Variants in GRM1 observed in about 807,000 individuals in gnomAD.
GRM1 encodes the protein metabotropic glutamate receptor 1.
Under a neutral mutation model 90.9 loss-of-function variants are expected in GRM1, and 33 were observed. That is an observed-to-expected ratio of 0.36 (90% CI 0.28 to 0.49). The LOEUF is 0.49. Ranked by LOEUF, GRM1 falls within the 20% of genes least tolerant of loss-of-function variation. The pLI, the probability that GRM1 is intolerant of heterozygous loss-of-function variation, is 0.99. For missense variants in GRM1, 1,190 were observed against 1,534.3 expected, an observed-to-expected ratio of 0.78 and a Z score of 3.75; for synonymous variants, 700 against 613.2, an observed-to-expected ratio of 1.14 and a Z score of -2.09.
intron 7 of GRM1, among the ~76,000 whole-genome samples, chr6:146,420,673 C>A (rs1401158590): frequency 6.6e-6 from 1 of 152,148 alleles, no homozygotes; most frequent in African/African-American, 2.4e-5. Context: ...TAGAAGCAGA[C>A]CCCCATGTGA....
chr6:146,302,500 T>C (rs1251328967), intron 2 of GRM1, among the ~76,000 whole-genome samples: 1 of 151,544 alleles, frequency 6.6e-6, no homozygotes, highest in African/African-American at 2.4e-5. Flanking sequence ...GCCTCCCAAA[T>C]AGCTGGGACC....
intron 1 of GRM1, among the ~76,000 whole-genome samples, chr6:146,067,093 C>G (rs2128856925): frequency 6.6e-6 from 1 of 152,198 alleles, no homozygotes; most frequent in East Asian, 1.9e-4. Flanking sequence ...TTAATATTTC[C>G]AATTGAACTG....
chr6:146,070,192 T>G (rs1362591836), intron 1 of GRM1, among the ~76,000 whole-genome samples: 1 of 152,152 alleles, frequency 6.6e-6, no homozygotes, highest in Non-Finnish European at 1.5e-5. Flanking sequence ...TCTAACAAGT[T>G]TATTGCTCAG....
chr6:146,372,256 T>C (rs900228258), intron 5 of GRM1, among the ~76,000 whole-genome samples: 1 of 152,180 alleles, frequency 6.6e-6, no homozygotes, highest in South Asian at 2.1e-4. Context: ...CATTTGTATG[T>C]CTTCTTTTAA....
intron 2 of GRM1, among the ~76,000 whole-genome samples, chr6:146,203,846 C>A (rs1348729299): frequency 1.3e-5 from 2 of 152,190 alleles, no homozygotes; most frequent in Non-Finnish European, 2.9e-5. Flanking sequence ...CATGTAAATT[C>A]CCACAATGTT....
rs1427134098 is a variant in GRM1 at position 146,434,757 on chromosome 6, C to T, written c.3546C>T (p.Val1182=). The T allele has an allele frequency of 1.3e-6, 2 of 1,599,994 alleles. No individual in the cohort carries two copies. Among genetic ancestry groups the T allele is most frequent in the Non-Finnish European group, 1.7e-6 (2 of 1,179,926 alleles). Residue 1182 remains valine (V), a synonymous_variant, in exon 8 of 8, where the codon GTC becomes GTT. Transcript: ENST00000282753. ...CTPPNVSYAS[V]ILRDYKQSSS... is the part of the protein sequence containing the mutation. ...CTCCCAACGTATCCTACGCCTCTGT[C>T]ATTCTGCGGGACTACAAGCAAAGCT...
At chr6:146,160,620 G>A (rs1212513339) in intron 2 of GRM1, among the ~76,000 whole-genome samples, 6 of 152,184 alleles carry the variant, frequency 3.9e-5, no homozygotes, top group Non-Finnish European at 8.8e-5. Flanking sequence ...CTGATCTTCT[G>A]CTCTGGAAGC....
intron 5 of GRM1, among the ~76,000 whole-genome samples, chr6:146,371,523 G>A (rs1030286424): frequency 6.6e-6 from 1 of 151,926 alleles, no homozygotes; most frequent in Admixed American, 6.6e-5. Context: ...AGTTATTATT[G>A]ACTATAGTCA....
intron 5 of GRM1, among the ~76,000 whole-genome samples, chr6:146,386,629 A>C (rs1244144649): frequency 6.6e-6 from 1 of 152,014 alleles, no homozygotes; most frequent in Non-Finnish European, 1.5e-5. Context: ...CTCTGCAAAA[A>C]AATGTAGTCA....
intron 7 of GRM1, among the ~76,000 whole-genome samples, chr6:146,411,510 C>G (rs1352083926): frequency 6.6e-6 from 1 of 152,252 alleles, no homozygotes; most frequent in South Asian, 2.1e-4. Flanking sequence ...AGAATCCACT[C>G]AGGTCACAGA....
chr6:146,047,276 C>T (rs562086658), intron 1 of GRM1, among the ~76,000 whole-genome samples: 3 of 147,482 alleles, frequency 2.0e-5, no homozygotes, highest in African/African-American at 7.4e-5. Flanking sequence ...TTCCTGCCCA[C>T]TCATTTTTCG....
intron 2 of GRM1, among the ~76,000 whole-genome samples, chr6:146,189,519 T>G (rs951692894): frequency 6.6e-6 from 1 of 152,196 alleles, no homozygotes. Flanking sequence ...TCTGTCGACC[T>G]GAAATATTGA....
chr6:146,432,603 G>A (rs1178067624), intron 7 of GRM1, among the ~76,000 whole-genome samples: 3 of 151,984 alleles, frequency 2.0e-5, no homozygotes, highest in African/African-American at 7.3e-5. Flanking sequence ...TCCTTTTAAT[G>A]TCATAAATGT....
chr6:146,095,332 G>A (rs1776842308), intron 1 of GRM1, among the ~76,000 whole-genome samples: 1 of 152,072 alleles, frequency 6.6e-6, no homozygotes, highest in South Asian at 2.1e-4. Context: ...TAAGGCAGGG[G>A]GAACCAACAT....
intron 1 of GRM1, among the ~76,000 whole-genome samples, chr6:146,047,936 A>G (rs1305347942): frequency 1.3e-5 from 2 of 151,984 alleles, no homozygotes; most frequent in Non-Finnish European, 2.9e-5. Flanking sequence ...CTATGATGCC[A>G]CCCTTGGTGA....
chr6:146,208,867 T>C (rs1433758351), intron 2 of GRM1, among the ~76,000 whole-genome samples: 1 of 152,142 alleles, frequency 6.6e-6, no homozygotes, highest in East Asian at 1.9e-4. Flanking sequence ...ATAAACAGCA[T>C]AGTTTATTTC....
intron 2 of GRM1, among the ~76,000 whole-genome samples, chr6:146,179,678 T>C (rs1039726657): frequency 5.9e-5 from 9 of 152,160 alleles, no homozygotes; most frequent in Admixed American, 3.3e-4. Context: ...CATGCCCAGC[T>C]AATTTATTTT....
At chr6:146,330,532 AAATTTTC>A (rs542804421) in intron 3 of GRM1, among the ~76,000 whole-genome samples, 65 of 152,246 alleles carry the variant, frequency 4.3e-4, no homozygotes, top group Non-Finnish European at 7.1e-4. Context: ...CTTGTAATCT[AAATTTTC>A]AATTTTATAT....
intron 2 of GRM1, among the ~76,000 whole-genome samples, chr6:146,213,715 GAT>G (rs1779759825): frequency 2.0e-5 from 3 of 151,986 alleles, no homozygotes; most frequent in Non-Finnish European, 4.4e-5. Context: ...TAGATAGATA[GAT>G]AGATAGATAG....
Sources: gnomAD v4.1 joint callset for allele counts (sites outside exome capture counted in the v4.1 genomes callset) on GRCh38, gnomAD v4.1.1 for gene constraint, MANE v1.5 for transcripts, NCBI Gene and HGNC (gene_info 2026-07-23, HGNC 2026-07-21) for gene names.